TBC1D5: variants seen among roughly 807,000 people sequenced by gnomAD.
The protein encoded by TBC1D5 is TBC1 domain family, member 5.
Under a neutral mutation model 100.3 loss-of-function variants are expected in TBC1D5, and 75 were observed. The ratio of observed to expected loss-of-function variants is 0.75; its 90% CI spans 0.62 to 0.91. The LOEUF (loss-of-function observed/expected upper bound fraction) is 0.91. TBC1D5 is among the 40% of genes least tolerant of loss of function. TBC1D5 has a pLI of 0.00. For missense variants in TBC1D5, 910 were observed against 942.4 expected (o/e 0.97, Z 0.45); for synonymous variants, 323 against 325.6 (o/e 0.99, Z 0.09).
chr3:17,518,018 C>T (rs1189620930), intron 2 of TBC1D5, among the ~76,000 whole-genome samples: 1 of 152,068 alleles, frequency 6.6e-6, no homozygotes, highest in Non-Finnish European at 1.5e-5. Flanking sequence ...TAATAATAAA[C>T]ATTAAAAATT....
Position 17,249,514 on chromosome 3 carries a change from C to A in TBC1D5, c.1331+8992G>T, listed in dbSNP as rs576687501. On this transcript the variant is annotated intron_variant, in intron 16 of 21. Coordinates refer to ENST00000253692, the Ensembl canonical transcript of TBC1D5. ...GAGGTGTCTGGATCATGGGGGTGTA[C>A]CCCTCATGAATGGCTTGGTGCCATC... Among the ~76,000 whole-genome samples the A allele has an allele frequency of 6.1e-4, 93 of 152,236 alleles. No homozygotes were observed. The South Asian group carries it at 0.018, about 29-fold the overall frequency.
At chr3:17,192,351 T>C (rs898825657) in intron 18 of TBC1D5, among the ~76,000 whole-genome samples, 2 of 151,070 alleles carry the variant, frequency 1.3e-5, no homozygotes, top group African/African-American at 2.4e-5. Flanking sequence ...GAAACTTCTA[T>C]GAAATAAATT....
intron 3 of TBC1D5, among the ~76,000 whole-genome samples, chr3:17,473,300 T>C (rs1218461532): frequency 6.6e-6 from 1 of 152,112 alleles, no homozygotes; most frequent in East Asian, 1.9e-4. Context: ...TAATCACAGA[T>C]TTAATAAAAG....
intron 3 of TBC1D5, among the ~76,000 whole-genome samples, chr3:17,474,750 G>A (rs1199885615): frequency 6.6e-6 from 1 of 152,038 alleles, no homozygotes; most frequent in Non-Finnish European, 1.5e-5. Context: ...TTCAGAAAGA[G>A]AAAAATTAAA....
chr3:17,189,957 G>GT (rs1575833682), intron 18 of TBC1D5, among the ~76,000 whole-genome samples: 1 of 152,156 alleles, frequency 6.6e-6, no homozygotes, highest in African/African-American at 2.4e-5. Context: ...TGAAGAAATT[G>GT]TTTTTTGAAT....
intron 2 of TBC1D5, among the ~76,000 whole-genome samples, chr3:17,604,738 C>G (rs2061226412): frequency 6.6e-6 from 1 of 152,050 alleles, no homozygotes; most frequent in Admixed American, 6.5e-5. Context: ...CTCACTGCAA[C>G]CTCAGTGCTC....
chr3:17,251,077 C>CA (rs2077127638), intron 16 of TBC1D5, among the ~76,000 whole-genome samples: 1 of 152,102 alleles, frequency 6.6e-6, no homozygotes, highest in African/African-American at 2.4e-5. Flanking sequence ...CCTTAGTCAC[C>CA]AATGAGGGAG....
At chr3:17,452,860 C>T (rs2094959344) in intron 3 of TBC1D5, among the ~76,000 whole-genome samples, 1 of 151,942 alleles carries the variant, frequency 6.6e-6, no homozygotes, top group Admixed American at 6.5e-5. Flanking sequence ...GTTCAGAATA[C>T]ACATTCTTTG....
intron 1 of TBC1D5, among the ~76,000 whole-genome samples, chr3:17,708,438 G>A (rs1464679392): frequency 2.0e-5 from 3 of 152,122 alleles, no homozygotes; most frequent in African/African-American, 4.8e-5. Flanking sequence ...TTCTGTACAA[G>A]TTTCTTTGTT....
chr3:17,516,987 T>A (rs998605276), intron 2 of TBC1D5, among the ~76,000 whole-genome samples: 2 of 152,222 alleles, frequency 1.3e-5, no homozygotes, highest in African/African-American at 4.8e-5. Flanking sequence ...GCTCTTCATA[T>A]CATTCAGGTT....
intron 2 of TBC1D5, chr3:17,518,878 G>C (rs1576476052): frequency 6.6e-6 from 1 of 152,556 alleles, no homozygotes; most frequent in East Asian, 1.9e-4. Flanking sequence ...AAAAGTGCTT[G>C]CTCTGGCTCC....
At chr3:17,178,749 C>T (rs1011136773) in intron 19 of TBC1D5, among the ~76,000 whole-genome samples, 5 of 152,174 alleles carry the variant, frequency 3.3e-5, no homozygotes, top group African/African-American at 1.2e-4. Flanking sequence ...AAGTGATCCT[C>T]CCAGCTCAGC....
intron 1 of TBC1D5, among the ~76,000 whole-genome samples, chr3:17,729,660 T>C (rs528259988): frequency 4.7e-5 from 7 of 148,690 alleles, no homozygotes; most frequent in Admixed American, 4.0e-4. Context: ...TTAGCCAAGA[T>C]CACACCACTG....
At chr3:17,358,110 T>A (rs761577447) in intron 13 of TBC1D5, among the ~76,000 whole-genome samples, 12 of 152,182 alleles carry the variant, frequency 7.9e-5, no homozygotes, top group Non-Finnish European at 1.3e-4. Flanking sequence ...AAACTAGATC[T>A]CTGGTTCTCT....
chr3:17,323,921 G>C (rs942668533), intron 13 of TBC1D5, among the ~76,000 whole-genome samples: 1 of 152,154 alleles, frequency 6.6e-6, no homozygotes, highest in African/African-American at 2.4e-5. Flanking sequence ...GTGATATACA[G>C]AATTACTATA....
At chr3:17,235,480 A>C (rs1003605753) in intron 17 of TBC1D5, among the ~76,000 whole-genome samples, 4 of 152,366 alleles carry the variant, frequency 2.6e-5, no homozygotes, top group African/African-American at 9.6e-5. Flanking sequence ...AAGCCTCCTG[A>C]CAGGCTGAAT....
chr3:17,500,639 CG>C, intron 3 of TBC1D5, among the ~76,000 whole-genome samples: 2 of 149,578 alleles, frequency 1.3e-5, no homozygotes, highest in South Asian at 4.2e-4. Context: ...AAAAACTGCT[CG>C]CTTTGAACCT....
intron 1 of TBC1D5, among the ~76,000 whole-genome samples, chr3:17,701,850 CTTTTTTT>C (rs77546558): frequency 7.0e-6 from 1 of 142,882 alleles, no homozygotes; most frequent in East Asian, 2.0e-4. Flanking sequence ...CTAGCTTTTT[CTTTTTTT>C]TTTTTCCTAA....
intron 1 of TBC1D5, among the ~76,000 whole-genome samples, chr3:17,657,747 T>C (rs1373951791): frequency 2.0e-5 from 3 of 152,326 alleles, no homozygotes; most frequent in Middle Eastern, 3.4e-3. Context: ...TGTATCTACT[T>C]TCCTTCCTGT....
Sources: allele counts gnomAD v4.1 joint callset (sites outside exome capture counted in the v4.1 genomes callset), GRCh38; gene constraint gnomAD v4.1.1; transcripts MANE v1.5; gene names NCBI Gene and HGNC (gene_info 2026-07-23, HGNC 2026-07-21).